TAOK3: variants seen among roughly 807,000 people sequenced by gnomAD.
TAOK3 encodes the protein serine/threonine-protein kinase TAO3.
TAOK3 carries 40 observed loss-of-function variants against 120.4 expected under a neutral mutation model. The observed-to-expected ratio is 0.33, with a 90% confidence interval of 0.26 to 0.43. TAOK3 has a LOEUF of 0.43. TAOK3 is among the 20% of genes least tolerant of loss of function. TAOK3 has a pLI of 1.00. For missense variants in TAOK3, 821 were observed against 1,112.1 expected, an observed-to-expected ratio of 0.74 and a Z score of 3.72; for synonymous variants, 355 against 387.5, an observed-to-expected ratio of 0.92 and a Z score of 0.99.
In TAOK3 at chr12:118,152,320, G is replaced by C; in HGVS notation, c.2442C>G (p.Ser814Arg). The change falls in exon 20 of 21, where the codon AGC becomes AGG. Residue 814 changes from serine to arginine, a missense_variant. By Grantham distance (110) the Ser-to-Arg change is moderately radical (BLOSUM62 -1). This residue lies in a region of TAOK3 where 354 missense variants were observed against 572.1 expected (regional missense o/e 0.62). Transcript: ENST00000392533. The part of the protein sequence containing the change: ...QEMELLNAYQ[S>R]KIKMQTEAQH... ...GTGCCTCTGTTTGCATCTTGATTTT[G>C]CTCTGGTAGGCGTTGAGCAGCTCCA... 6.2e-7 allele frequency: 1 copy of C among 1,614,130 alleles called. No individual in the cohort carries two copies. Among genetic ancestry groups the C allele is most frequent in the Non-Finnish European group, 8.5e-7 (1 of 1,180,020 alleles).
chr12:118,276,696 C>T (rs573034001), intron 1 of TAOK3, among the ~76,000 whole-genome samples: 6 of 147,698 alleles, frequency 4.1e-5, no homozygotes, highest in Middle Eastern at 4.0e-3. Flanking sequence ...AGCGAGACTC[C>T]GTCTCAAAAA....
chr12:118,317,499 G>T (rs913901609), intron 1 of TAOK3, among the ~76,000 whole-genome samples: 1 of 151,692 alleles, frequency 6.6e-6, no homozygotes, highest in African/African-American at 2.4e-5. Context: ...GGGTTTCACC[G>T]TGTTAGCCAG....
chr12:118,218,650 C>T, intron 9 of TAOK3, among the ~76,000 whole-genome samples: 1 of 150,928 alleles, frequency 6.6e-6, no homozygotes, highest in South Asian at 2.1e-4. Flanking sequence ...CCTATAAAGA[C>T]TCAACCCTCC....
rs1359682067 is a variant in TAOK3 at position 118,245,969 on chromosome 12, T to G, written c.121-1004A>C. 14 of 553,290 alleles carry G rather than the reference T, an allele frequency of 2.5e-5. No individual in the cohort carries two copies. The African/African-American group carries it at 2.6e-4, about 10-fold the overall frequency. The allele number at this position is 553,290 out of a possible 1,614,324, so 34.3% of individuals were successfully genotyped here. A position where few individuals can be genotyped will look rare whatever the true frequency, so the allele number is the denominator to read the frequency against. On this transcript the variant is annotated intron_variant, in intron 3 of 20. Coordinates refer to ENST00000392533, the MANE Select transcript of TAOK3 (RefSeq NM_016281.4). The stretch of plus-strand genomic sequence containing the variant: ...GCAATATGAAAAGATGTTAAAAATG[T>G]TTTGGTCAAAAACAAGCTATAAAGT...
In TAOK3 at chr12:118,284,491, G is replaced by A. The variant is rs139093698; in HGVS notation, c.-193-17732C>T. ...TAGCTCTGAGGCCCTAAGAACAAGA[G>A]ATAGGAAGATGTTTGTTCTCTGAAT... On this transcript the variant is annotated intron_variant, in intron 1 of 20. Transcript: ENST00000392533. Among the ~76,000 whole-genome samples, 74 of 152,286 alleles carry A rather than the reference G, an allele frequency of 4.9e-4. 3 individuals are homozygous for A. In the East Asian group the frequency reaches 0.011, roughly 22 times the overall value.
At chr12:118,310,532 T>C (rs1757477311) in intron 1 of TAOK3, among the ~76,000 whole-genome samples, 1 of 152,302 alleles carries the variant, frequency 6.6e-6, no homozygotes, top group South Asian at 2.1e-4. Flanking sequence ...ATCAGCAATA[T>C]TACATCTGTT....
rs762757900 is a variant in TAOK3 at position 118,152,424 on chromosome 12, GAC to G, written c.2353-17_2353-16del. On this transcript the variant is annotated splice_polypyrimidine_tract_variant and intron_variant, in intron 19 of 20. Coordinates refer to ENST00000392533, the MANE Select transcript of TAOK3 (RefSeq NM_016281.4). ...TCTAGCCGTAACTGCGGACACAGAA[GAC>G]ACACACGGTCATGCACCCTTGCCTA... 6.2e-7 allele frequency: 1 copy of G among 1,602,938 alleles called. No homozygotes were observed. The highest frequency in any genetic ancestry group is 8.5e-7 in the Non-Finnish European group (1 of 1,175,912).
chr12:118,243,026 C>T (rs889149649), intron 5 of TAOK3, among the ~76,000 whole-genome samples: 10 of 151,998 alleles, frequency 6.6e-5, no homozygotes, highest in African/African-American at 2.2e-4. Context: ...TGGTAAAAAT[C>T]ACATAGCAAT....
chr12:118,223,095 A>C (rs1471353733), intron 9 of TAOK3, among the ~76,000 whole-genome samples: 2 of 127,356 alleles, frequency 1.6e-5, no homozygotes, highest in Admixed American at 9.6e-5. Flanking sequence ...TTTGAGACGC[A>C]GTCTCGCACT....
chr12:118,268,486 T>C (rs2041554262), intron 1 of TAOK3, among the ~76,000 whole-genome samples: 1 of 152,144 alleles, frequency 6.6e-6, no homozygotes, highest in South Asian at 2.1e-4. Flanking sequence ...AAACTGAACG[T>C]TTTCATTATT....
At chr12:118,285,776 C>G (rs1302197468) in intron 1 of TAOK3, among the ~76,000 whole-genome samples, 1 of 152,170 alleles carries the variant, frequency 6.6e-6, no homozygotes, top group Non-Finnish European at 1.5e-5. Flanking sequence ...CATGACACGG[C>G]CTCAGGAGGT....
At chr12:118,293,325 C>G (rs542523018) in intron 1 of TAOK3, among the ~76,000 whole-genome samples, 3 of 152,138 alleles carry the variant, frequency 2.0e-5, no homozygotes, top group African/African-American at 7.2e-5. Context: ...AATATGCAGA[C>G]GAATGTTAGC....
chr12:118,275,696 G>A (rs1230512167), intron 1 of TAOK3, among the ~76,000 whole-genome samples: 2 of 152,132 alleles, frequency 1.3e-5, no homozygotes, highest in Non-Finnish European at 2.9e-5. Context: ...ATCTGGCACT[G>A]AACAAGGCTT....
At chr12:118,259,344 G>C (rs559833766) in intron 2 of TAOK3, among the ~76,000 whole-genome samples, 1 of 152,182 alleles carries the variant, frequency 6.6e-6, no homozygotes, top group Non-Finnish European at 1.5e-5. Context: ...CCAGGAGTTT[G>C]AGACCAGCCT....
chr12:118,295,671 T>C (rs2042653118), intron 1 of TAOK3, among the ~76,000 whole-genome samples: 1 of 152,190 alleles, frequency 6.6e-6, no homozygotes, highest in South Asian at 2.1e-4. Flanking sequence ...ACTCTATGAA[T>C]TTGTTTCAAT....
Position 118,152,386 on chromosome 12 carries a change from T to C in TAOK3, c.2376A>G (p.Glu792=), listed in dbSNP as rs1443293162. 5.0e-6 allele frequency: 8 copies of C among 1,613,234 alleles called. No individual in the cohort carries two copies. The highest frequency in any genetic ancestry group is 5.9e-6 in the Non-Finnish European group (7 of 1,179,872). The part of the protein sequence containing the change: ...SQALRLDEAQ[E]AECQALRLQL... The stretch of plus-strand genomic sequence containing the variant: ...GTAGCCTCAAGGCCTGGCATTCTGC[T>C]TCTTGAGCCTCATCTAGCCGTAACT... The change falls in exon 20 of 21, where the codon GAA becomes GAG. Residue 792 remains glutamate, a synonymous_variant. Coordinates refer to ENST00000392533, the MANE Select transcript of TAOK3 (RefSeq NM_016281.4).
intron 2 of TAOK3, among the ~76,000 whole-genome samples, chr12:118,258,708 T>G: frequency 6.8e-6 from 1 of 146,132 alleles, no homozygotes. Context: ...AGCAAGACTC[T>G]GTCATAAAAA....
At chr12:118,159,757 T>C (rs2035094780) in intron 19 of TAOK3, 1 of 277,964 alleles carries the variant, frequency 3.6e-6, no homozygotes, top group Admixed American at 5.1e-5. Context: ...TGTGTATCTG[T>C]CTTCCTCACT....
intron 1 of TAOK3, among the ~76,000 whole-genome samples, chr12:118,333,907 G>A (rs6490176): frequency 0.014 from 2,117 of 151,424 alleles, 53 homozygotes; most frequent in African/African-American, 0.049. Context: ...AGGCCGAGGC[G>A]GGCAGACCAC....
Sources: allele counts gnomAD v4.1 joint callset (sites outside exome capture counted in the v4.1 genomes callset), GRCh38; gene constraint gnomAD v4.1.1; regional missense constraint gnomAD v4.1.1; transcripts MANE v1.5; gene names NCBI Gene and HGNC (gene_info 2026-07-23, HGNC 2026-07-21).